The following UBP1 variants were observed in gnomAD, a reference collection of about 807,000 sequenced individuals.
The protein encoded by UBP1 is upstream binding protein 1, also known as upstream-binding protein 1.
A neutral mutation model predicts 76.1 loss-of-function variants in UBP1; 22 were observed. The ratio of observed to expected loss-of-function variants is 0.29; its 90% CI spans 0.21 to 0.41. The LOEUF is 0.41. Ranked by LOEUF, UBP1 falls within the 10% of genes least tolerant of loss-of-function variation. The pLI is 1.00. For synonymous variants in UBP1, 224 were observed against 237.1 expected (o/e 0.94, Z 0.51); for missense variants, 436 against 668.1 (o/e 0.65, Z 3.83).
At chr3:33,420,444 G>T (rs2044857907) in intron 2 of UBP1, among the ~76,000 whole-genome samples, 1 of 150,104 alleles carries the variant, frequency 6.7e-6, no homozygotes. Flanking sequence ...TCATGCCTCA[G>T]CCTCCCAAGT....
chr3:33,434,289 CTTTTTTTTTTT>C (rs371209882), intron 1 of UBP1, among the ~76,000 whole-genome samples: 2 of 101,280 alleles, frequency 2.0e-5, no homozygotes, highest in African/African-American at 8.0e-5. Context: ...TCAGCAAATC[CTTTTTTTTTTT>C]TTTTTTTTTT....
At chr3:33,419,181 G>C (rs1361940690) in intron 2 of UBP1, among the ~76,000 whole-genome samples, 1 of 152,092 alleles carries the variant, frequency 6.6e-6, no homozygotes, top group East Asian at 1.9e-4. Flanking sequence ...AAGACAGCCA[G>C]GAGCTGACTT....
rs966701683 is a variant in UBP1, at chr3:33,390,261, T to C, written c.*70A>G. 4.7e-6 allele frequency: 7 copies of C among 1,474,012 alleles called. No homozygotes were observed. Among genetic ancestry groups the C allele is most frequent in the Non-Finnish European group, 6.6e-6 (7 of 1,064,840 alleles). The allele number at this position is 1,474,012 out of a possible 1,614,324, so 91.3% of individuals were successfully genotyped here. On this transcript the variant is annotated 3_prime_UTR_variant, in exon 16 of 16. Transcript: ENST00000283629. ...GGTAAAATCCAATCCCAAGACTTCT[T>C]GGATTCAGTCTTCACACACTTTTAA...
intron 13 of UBP1, among the ~76,000 whole-genome samples, chr3:33,394,720 AGAAGCTG>A (rs769809891): frequency 4.6e-5 from 7 of 152,200 alleles, no homozygotes; most frequent in Non-Finnish European, 1.0e-4. Flanking sequence ...ATTACATAAA[AGAAGCTG>A]GAACTAAAAT....
rs546575434 is a variant in UBP1, at chr3:33,409,161, G to A, written c.819+75C>T. 6.1e-5 allele frequency: 85 copies of A among 1,398,886 alleles called. No individual in the cohort carries two copies. The South Asian group carries it at 1.0e-3, about 16-fold the overall frequency. 86.7% of individuals were successfully genotyped at this position (1,398,886 alleles called of 1,614,324 possible). On this transcript the variant is annotated intron_variant, in intron 7 of 15. Transcript: ENST00000283629. ...CCCAATCTTCCCCAACCCTTTTGTA[G>A]CAGAACTCATCTTAGAAATAGACTA...
intron 2 of UBP1, among the ~76,000 whole-genome samples, chr3:33,424,083 T>G (rs2044967750): frequency 6.6e-6 from 1 of 152,222 alleles, no homozygotes. Context: ...GTTATTTCCT[T>G]TTTTATCTTT....
intron 14 of UBP1, 150 bp from the exon 15 acceptor site, chr3:33,392,764 T>C (rs569202058): frequency 5.9e-6 from 4 of 675,640 alleles, no homozygotes; most frequent in Non-Finnish European, 9.9e-6. Context: ...GCAGCAAAGA[T>C]GCACACGTGC....
At position 33,440,029 on chromosome 3, in the gene UBP1, C is replaced by T; in HGVS notation, c.-181G>A. 1.8e-6 allele frequency: 1 copy of T among 553,524 alleles called. No homozygotes were observed. Among genetic ancestry groups the T allele is most frequent in the South Asian group, 2.8e-5 (1 of 35,834 alleles). The allele number at this position is 553,524 out of a possible 1,614,324, so 34.3% of individuals were successfully genotyped here. A position where few individuals can be genotyped will look rare whatever the true frequency, so the allele number is the denominator to read the frequency against. ...CCCCACTGGCAGGGCACGACGAGCC[C>T]AGCGAGCAATTGCAGCGGGAGCGGC... On this transcript the variant is annotated 5_prime_UTR_variant, in exon 1 of 16. Transcript: ENST00000283629.
In UBP1 at chr3:33,439,898, G is replaced by T. The variant is rs2154060534; in HGVS notation, c.-50C>A. On this transcript the variant is annotated 5_prime_UTR_variant, in exon 1 of 16. Coordinates refer to ENST00000283629, the MANE Select transcript of UBP1 (RefSeq NM_014517.5). ...ACACCGCGGCCTCCGCGTCCAGGGC[G>T]AAGGAGCCGGAGCTCCGCTGGCGCG... The T allele has an allele frequency of 6.2e-7, 1 of 1,600,022 alleles. No individual in the cohort carries two copies. The highest frequency in any genetic ancestry group is 8.5e-7 in the Non-Finnish European group (1 of 1,172,232).
rs763325012 is a variant in UBP1 at position 33,396,287 on chromosome 3, T to C, written c.1272-7A>G. 1.9e-6 allele frequency: 3 copies of C among 1,569,108 alleles called. No homozygotes were observed. Among genetic ancestry groups the C allele is most frequent in the Non-Finnish European group, 2.6e-6 (3 of 1,144,622 alleles). On this transcript the variant is annotated splice_polypyrimidine_tract_variant and splice_region_variant and intron_variant, in intron 12 of 15. Transcript: ENST00000283629. ...TAAACGGGGTCTAACCGACCTGCAA[T>C]CAGAAGATGCCACTGATGAGCCTGG...
intron 2 of UBP1, among the ~76,000 whole-genome samples, chr3:33,417,774 T>A (rs953425297): frequency 6.6e-6 from 1 of 152,218 alleles, no homozygotes; most frequent in Non-Finnish European, 1.5e-5. Context: ...AGAATGCTTA[T>A]AATATCACAT....
chr3:33,388,452 A>AACTC lies in UBP1; in HGVS notation c.*1875_*1878dup, dbSNP rs1013195681. On this transcript the variant is annotated 3_prime_UTR_variant, in exon 16 of 16. Coordinates refer to ENST00000283629, the MANE Select transcript of UBP1 (RefSeq NM_014517.5). ...TTATTTAGCCTGTTTCACTGGGACA[A>AACTC]ACTCACGTTCAATGCCACTCAGTAT... 6.6e-6 allele frequency: 1 copy of AACTC among 152,616 alleles called. No homozygotes were observed. The highest frequency in any genetic ancestry group is 2.4e-5 in the African/African-American group (1 of 41,442). 9.5% of individuals were successfully genotyped at this position (152,616 alleles called of 1,614,324 possible).
At chr3:33,405,771 T>A (rs1468705501) in intron 8 of UBP1, among the ~76,000 whole-genome samples, 1 of 152,154 alleles carries the variant, frequency 6.6e-6, no homozygotes, top group Admixed American at 6.5e-5. Flanking sequence ...TAAAAAAATT[T>A]AAAAATTATT....
At chr3:33,397,257 TACAC>T in intron 11 of UBP1, 122 bp from the exon 12 acceptor site, 2 of 664,104 alleles carry the variant, frequency 3.0e-6, no homozygotes, top group Non-Finnish European at 5.0e-6. Context: ...AATACACACA[TACAC>T]ATGAACAATA....
Position 33,416,790 on chromosome 3 carries a change from C to A in UBP1, c.310G>T (p.Asp104Tyr). ...IRMLDNRKMGDMPEINGKLVK... is the reference protein window; with the variant it reads ...IRMLDNRKMGYMPEINGKLVK... The stretch of plus-strand genomic sequence containing the variant: ...AATTTTCCATTGATCTCAGGCATAT[C>A]ACCCATTTTCCGATTATCCAGCATC... The change falls in exon 3 of 16, where the codon GAT becomes TAT. Residue 104 changes from aspartate to tyrosine, a missense_variant. Around this residue, in one of 3 missense-constraint regions of UBP1, gnomAD observed 161 missense variants for 237.9 expected, o/e 0.68. Transcript: ENST00000283629. The A allele has an allele frequency of 1.2e-6, 2 of 1,613,576 alleles. 1 individual carries two copies. Among genetic ancestry groups the A allele is most frequent in the Non-Finnish European group, 1.7e-6 (2 of 1,179,692 alleles).
chr3:33,395,796 CTGCTTTTT>C (rs1559667024), intron 13 of UBP1, among the ~76,000 whole-genome samples: 1 of 147,998 alleles, frequency 6.8e-6, no homozygotes, highest in African/African-American at 2.5e-5. Flanking sequence ...AAAAACCCTC[CTGCTTTTT>C]TGTTAAGCTG....
At position 33,403,045 on chromosome 3, in the gene UBP1, T is replaced by C. The variant is rs115601861; in HGVS notation, c.928-141A>G. 1,009 of 751,404 alleles carry C rather than the reference T, an allele frequency of 1.3e-3. 5 individuals carry two copies. In the African/African-American group the frequency reaches 0.015, roughly 11 times the overall value. 46.5% of individuals were successfully genotyped at this position (751,404 alleles called of 1,614,324 possible). Reference sequence around the variant, plus strand: ...TTTATCAAGCAACCTCACAGACACATGTCAAATTTACTTCTGTGTGGCAAA... The same window carrying C: ...TTTATCAAGCAACCTCACAGACACACGTCAAATTTACTTCTGTGTGGCAAA... On this transcript the variant is annotated intron_variant, in intron 8 of 15. Coordinates refer to ENST00000283629, the MANE Select transcript of UBP1 (RefSeq NM_014517.5).
chr3:33,439,083 G>C (rs1318677965), intron 1 of UBP1, among the ~76,000 whole-genome samples: 1 of 152,208 alleles, frequency 6.6e-6, no homozygotes, highest in Non-Finnish European at 1.5e-5. Flanking sequence ...ATGAATGACT[G>C]CTGGTACAGA....
chr3:33,418,397 G>C (rs60995021), intron 2 of UBP1, among the ~76,000 whole-genome samples: 3 of 151,946 alleles, frequency 2.0e-5, no homozygotes, highest in Non-Finnish European at 4.4e-5. Flanking sequence ...TGGGATTACA[G>C]GTGCCCGCCA....
Sources: gnomAD v4.1 joint callset for allele counts (sites outside exome capture counted in the v4.1 genomes callset) on GRCh38, gnomAD v4.1.1 for gene constraint, gnomAD v4.1.1 regional missense constraint, MANE v1.5 for transcripts, NCBI Gene and HGNC (gene_info 2026-07-23, HGNC 2026-07-21) for gene names.